The following RPH3A variants were observed in gnomAD, a reference collection of about 807,000 sequenced individuals.
The protein encoded by RPH3A is rabphilin-3A.
In RPH3A, 48 loss-of-function variants were observed where a neutral mutation model predicts 102.2. The observed-to-expected ratio is 0.47, with a 90% CI of 0.37 to 0.60. RPH3A has a LOEUF of 0.60. Among genes scored for constraint, RPH3A ranks in the 20% least tolerant of loss-of-function variants. RPH3A has a pLI of 0.00. For synonymous variants in RPH3A, 310 were observed against 324.3 expected, an observed-to-expected ratio of 0.96 and a Z score of 0.47; for missense variants, 781 against 910.1, an observed-to-expected ratio of 0.86 and a Z score of 1.83.
intron 1 of RPH3A, among the ~76,000 whole-genome samples, chr12:112,667,663 AGAG>A (rs2040095519): frequency 6.8e-4 from 1 of 1,464 alleles, no homozygotes; most frequent in Non-Finnish European, 1.2e-3. Context: ...AGATGAATAA[AGAG>A]AGAGAGAGAG....
intron 1 of RPH3A, among the ~76,000 whole-genome samples, chr12:112,599,709 CAA>C (rs1180823880): frequency 3.9e-5 from 6 of 152,150 alleles, no homozygotes; most frequent in Admixed American, 3.3e-4. Context: ...AGAATAAATA[CAA>C]CCATGTAGAA....
intron 17 of RPH3A, among the ~76,000 whole-genome samples, chr12:112,888,859 T>A (rs571606154): frequency 1.3e-5 from 2 of 152,282 alleles, no homozygotes; most frequent in East Asian, 3.9e-4. Flanking sequence ...GACTCAACAA[T>A]CTATATTTTT....
rs927405442 is a variant in RPH3A, at chr12:112,746,692, C to A, written c.-139-45451C>A. Among the ~76,000 whole-genome samples, 3 of 152,174 alleles carry A rather than the reference C, an allele frequency of 2.0e-5. No homozygotes were observed. The South Asian group carries it at 6.2e-4, about 32-fold the overall frequency. ...GTAGCATCAGAGGAAGGTGGCTCTG[C>A]AAGACCTGTCTCCTTCTCTGCCAGG... On this transcript the variant is annotated intron_variant, in intron 1 of 21. Transcript: ENST00000543106.
At chr12:112,576,276 G>A (rs1302326628) in intron 1 of RPH3A, among the ~76,000 whole-genome samples, 2 of 152,200 alleles carry the variant, frequency 1.3e-5, no homozygotes, top group Non-Finnish European at 2.9e-5. Flanking sequence ...GGGTCGCCAG[G>A]AGCGCTGCCA....
At chr12:112,612,871 C>A (rs1160560579) in intron 1 of RPH3A, among the ~76,000 whole-genome samples, 2 of 152,024 alleles carry the variant, frequency 1.3e-5, no homozygotes, top group East Asian at 3.9e-4. Context: ...CCACAGCATC[C>A]AGCCTGAGTT....
At chr12:112,655,826 G>A (rs2040007974) in intron 1 of RPH3A, among the ~76,000 whole-genome samples, 1 of 151,938 alleles carries the variant, frequency 6.6e-6, no homozygotes, top group South Asian at 2.1e-4. Flanking sequence ...GCCAGCCTCA[G>A]CCTTCCAAAA....
chr12:112,585,489 C>G (rs1439297867), intron 1 of RPH3A, among the ~76,000 whole-genome samples: 1 of 152,196 alleles, frequency 6.6e-6, no homozygotes, highest in East Asian at 1.9e-4. Flanking sequence ...AATCCCAGCA[C>G]TTCGGGAGTT....
Position 112,876,700 on chromosome 12 carries a change from A to T in RPH3A, c.1005A>T (p.Gly335=). The change falls in exon 13 of 22, where the codon GGA becomes GGT. Residue 335 remains glycine (G), a synonymous_variant. Coordinates refer to ENST00000389385, the MANE Select transcript of RPH3A (RefSeq NM_001143854.2). Reference sequence around the variant, plus strand: ...CACCCCGAGAGGAGAGAACAGGGGGAGTCGGGGGCTACCCAGCAGTTGGAG... The same window carrying T: ...CACCCCGAGAGGAGAGAACAGGGGGTGTCGGGGGCTACCCAGCAGTTGGAG... ...TAPPREERTG[G]VGGYPAVGAR... 1 of 1,613,084 alleles carries T rather than the reference A, an allele frequency of 6.2e-7. No individual in the cohort carries two copies. The highest frequency in any genetic ancestry group is 8.5e-7 in the Non-Finnish European group (1 of 1,179,644).
At chr12:112,714,195 C>T (rs1298913357) in intron 1 of RPH3A, among the ~76,000 whole-genome samples, 1 of 152,092 alleles carries the variant, frequency 6.6e-6, no homozygotes, top group Non-Finnish European at 1.5e-5. Flanking sequence ...ATTGCAGACC[C>T]CTGGGAACAG....
At chr12:112,748,959 C>G (rs931011292) in intron 1 of RPH3A, among the ~76,000 whole-genome samples, 16 of 152,014 alleles carry the variant, frequency 1.1e-4, no homozygotes, top group Non-Finnish European at 1.5e-5. Context: ...CTTTTGGTCT[C>G]TCTTGAAAAA....
chr12:112,759,176 A>G (rs531716020), intron 1 of RPH3A, among the ~76,000 whole-genome samples: 1 of 152,296 alleles, frequency 6.6e-6, no homozygotes, highest in South Asian at 2.1e-4. Context: ...ACAAAACACC[A>G]TAGTGTAAAA....
intron 1 of RPH3A, among the ~76,000 whole-genome samples, chr12:112,715,965 C>T (rs2040510875): frequency 6.6e-6 from 1 of 152,188 alleles, no homozygotes; most frequent in African/African-American, 2.4e-5. Flanking sequence ...CTGAGGGTTC[C>T]TCCCATTTTT....
At chr12:112,849,469 C>T (rs1048044268) in intron 5 of RPH3A, among the ~76,000 whole-genome samples, 3 of 151,496 alleles carry the variant, frequency 2.0e-5, no homozygotes, top group Non-Finnish European at 2.9e-5. Flanking sequence ...CTTTATACAA[C>T]GATGGGCCTC....
intron 19 of RPH3A, 22 bp downstream of exon 19, chr12:112,891,025 A>G (rs2043086438): frequency 6.2e-7 from 1 of 1,613,660 alleles, no homozygotes. Context: ...CCTTGGGGCT[A>G]CAGGTGGGCC....
At chr12:112,846,844 G>T (rs1378074743) in intron 4 of RPH3A, among the ~76,000 whole-genome samples, 3 of 152,194 alleles carry the variant, frequency 2.0e-5, no homozygotes, top group African/African-American at 7.2e-5. Flanking sequence ...CTGAACCATT[G>T]CCGGGGCCAC....
At chr12:112,887,728 C>G (rs1345866574) in intron 16 of RPH3A, 69 bp from the exon 17 acceptor site, 2 of 1,536,922 alleles carry the variant, frequency 1.3e-6, no homozygotes, top group Non-Finnish European at 1.8e-6. Flanking sequence ...TCAGCTGCAA[C>G]TCTTGGCACA....
At chr12:112,728,499 A>T (rs1035080727) in intron 1 of RPH3A, among the ~76,000 whole-genome samples, 1 of 152,172 alleles carries the variant, frequency 6.6e-6, no homozygotes, top group Non-Finnish European at 1.5e-5. Flanking sequence ...TCTGGCTGTC[A>T]TAGCTTTCAA....
Position 112,868,553 on chromosome 12 carries a change from C to G in RPH3A, c.568C>G (p.Pro190Ala). 1 of 1,614,160 alleles carries G rather than the reference C, an allele frequency of 6.2e-7. No homozygotes were observed. Among genetic ancestry groups the G allele is most frequent in the Non-Finnish European group, 8.5e-7 (1 of 1,180,028 alleles). Reference protein sequence around the residue: ...PVSEPAAPEQPAPEPKHPARA... With the variant: ...PVSEPAAPEQAAPEPKHPARA... ...CAGTGAGCCTGCTGCCCCTGAACAG[C>G]CTGCTCCTGAGCCCAAGCACCCTGC... The change falls in exon 8 of 22, where the codon CCT (proline) becomes GCT (alanine). Residue 190 changes from proline (P) to alanine (A), a missense_variant. Pro to Ala is a conservative substitution (Grantham distance 27, BLOSUM62 -1). Coordinates refer to ENST00000389385, the MANE Select transcript of RPH3A (RefSeq NM_001143854.2).
intron 1 of RPH3A, among the ~76,000 whole-genome samples, chr12:112,713,251 C>G: frequency 6.6e-6 from 1 of 151,582 alleles, no homozygotes; most frequent in South Asian, 2.1e-4. Context: ...ATATATATAA[C>G]CTACTGCATA....
Sources: gnomAD v4.1 joint callset for allele counts (sites outside exome capture counted in the v4.1 genomes callset) on GRCh38, gnomAD v4.1.1 for gene constraint, MANE v1.5 for transcripts, NCBI Gene and HGNC (gene_info 2026-07-23, HGNC 2026-07-21) for gene names.